The following FBXO32 variants were observed in gnomAD, a reference collection of about 807,000 sequenced individuals.
FBXO32 encodes F-box only protein 32.
FBXO32 carries 15 observed loss-of-function variants against 48.3 expected under a neutral mutation model. The observed-to-expected ratio is 0.31, with a 90% CI of 0.21 to 0.48. FBXO32 has a LOEUF of 0.48. FBXO32 is among the 20% of genes least tolerant of loss of function. FBXO32 has a pLI of 0.99. For synonymous variants in FBXO32, 154 were observed against 165.9 expected (o/e 0.93, Z 0.55); for missense variants, 309 against 432.7 (o/e 0.71, Z 2.54).
intron 6 of FBXO32, among the ~76,000 whole-genome samples, chr8:123,509,075 A>G (rs1464562989): frequency 6.6e-6 from 1 of 152,124 alleles, no homozygotes; most frequent in African/African-American, 2.4e-5. Flanking sequence ...CTGTCACTGT[A>G]TTTGATTTTT....
chr8:123,506,441 T>C lies in FBXO32; in HGVS notation c.785A>G (p.Asp262Gly), dbSNP rs750548964. 1.9e-6 allele frequency: 3 copies of C among 1,614,126 alleles called. No homozygotes were observed. The highest frequency in any genetic ancestry group is 2.5e-6 in the Non-Finnish European group (3 of 1,180,022). Residue 262 changes from aspartate to glycine, a missense_variant, in exon 7 of 9, where the codon GAC becomes GGC. By Grantham distance (94) the Asp-to-Gly change is moderately conservative. Coordinates refer to ENST00000517956, the MANE Select transcript of FBXO32 (RefSeq NM_058229.4). The surrounding 1 kb of genome is among the most constrained non-coding windows in gnomAD (Gnocchi z 4.0). ...AAPDLHVLSE[D>G]RLLWKKLCQY... ...GCAGAGTTTCTTCCACAGCAGCCGG[T>C]CTTCGCTGAGCACGTGCAGGTCGGG...
chr8:123,508,500 A>G (rs1816673967), intron 6 of FBXO32, among the ~76,000 whole-genome samples: 1 of 152,146 alleles, frequency 6.6e-6, no homozygotes, highest in Admixed American at 6.5e-5. Flanking sequence ...GACTCTGAAG[A>G]TCCCTTCCAG....
chr8:123,526,258 C>G (rs933488335), intron 4 of FBXO32, among the ~76,000 whole-genome samples: 1 of 151,940 alleles, frequency 6.6e-6, no homozygotes, highest in South Asian at 2.1e-4. Flanking sequence ...AAACAACAGC[C>G]TCTGTCACCC....
At chr8:123,523,459 G>A (rs537277937) in intron 4 of FBXO32, among the ~76,000 whole-genome samples, 2,556 of 152,002 alleles carry the variant, frequency 0.017, 60 homozygotes, top group African/African-American at 0.057. Context: ...GCATGGTGGC[G>A]GGCACCTGTA....
chr8:123,518,226 T>G (rs1816878685), intron 4 of FBXO32, among the ~76,000 whole-genome samples: 1 of 152,238 alleles, frequency 6.6e-6, no homozygotes, highest in Non-Finnish European at 1.5e-5. Context: ...TAGTACCTAC[T>G]TCAAAGTTGC....
chr8:123,522,243 T>C lies in FBXO32; in HGVS notation c.373-7910A>G, dbSNP rs185920678. On this transcript the variant is annotated intron_variant, in intron 4 of 8. Transcript: ENST00000517956. ...TTTTTTTTTTGAGATGGAGTCTCACTCTGCTGCCCAGGCTGGAGTGCAGTA... is the reference window on the plus strand; with the variant it reads ...TTTTTTTTTTGAGATGGAGTCTCACCCTGCTGCCCAGGCTGGAGTGCAGTA... Among the ~76,000 whole-genome samples, 275 of 140,140 alleles carry C rather than the reference T, an allele frequency of 2.0e-3. 1 individual carries two copies. The highest frequency in any genetic ancestry group is 2.0e-3 in the Non-Finnish European group (134 of 65,702). The allele number at this position is 140,140 out of a possible 152,430, so 91.9% of individuals were successfully genotyped here.
In FBXO32 at chr8:123,499,514, TAGTTAAAAAAATTCACACATAAAATTAC is replaced by T. The variant is rs1816435823; in HGVS notation, c.*3831_*3858del. The T allele has an allele frequency of 6.6e-6, 1 of 151,540 alleles. No individual in the cohort carries two copies. Among genetic ancestry groups the T allele is most frequent in the African/African-American group, 2.4e-5 (1 of 41,294 alleles). The allele number at this position is 151,540 out of a possible 1,614,324, so 9.4% of individuals were successfully genotyped here. On this transcript the variant is annotated 3_prime_UTR_variant, in exon 9 of 9. Transcript: ENST00000517956. ...CAACATAGAAAATGATGATAGAGTTTAGTTAAAAAAATTCACACATAAAATTACAGTTAAAAAAATTCACACATAAAAT... is the reference window on the plus strand; with the variant it reads ...CAACATAGAAAATGATGATAGAGTTTAGTTAAAAAAATTCACACATAAAAT...
rs774858364 is a variant in FBXO32 at position 123,513,329 on chromosome 8, A to G, written c.520T>C (p.Tyr174His). 6.2e-7 allele frequency: 1 copy of G among 1,614,234 alleles called. No homozygotes were observed. Among genetic ancestry groups the G allele is most frequent in the South Asian group, 1.1e-5 (1 of 91,088 alleles). The change falls in exon 6 of 9, where the codon TAC becomes CAC. Residue 174 changes from tyrosine (Y) to histidine (H), a missense_variant. Coordinates refer to ENST00000517956, the MANE Select transcript of FBXO32 (RefSeq NM_058229.4). The surrounding 1 kb of genome is among the most constrained non-coding windows in gnomAD (Gnocchi z 4.3). ...TGGACCAGTGTACATAAGGATGTGTAGAGGGTCTGGAGTAGTTCCCTTATT... is the reference window on the plus strand; with the variant it reads ...TGGACCAGTGTACATAAGGATGTGTGGAGGGTCTGGAGTAGTTCCCTTATT... ...RLIRELLQTL[Y>H]TSLCTLVQRV...
At position 123,502,279 on chromosome 8, in the gene FBXO32, A is replaced by G. The variant is rs1304263077; in HGVS notation, c.*1094T>C. 1 of 152,248 alleles carries G rather than the reference A, an allele frequency of 6.6e-6. No individual in the cohort carries two copies. The highest frequency in any genetic ancestry group is 1.5e-5 in the Non-Finnish European group (1 of 68,072). The allele number at this position is 152,248 out of a possible 1,614,324, so 9.4% of individuals were successfully genotyped here. On this transcript the variant is annotated 3_prime_UTR_variant, in exon 9 of 9. Transcript: ENST00000517956. ...GGCTGATTGTAAAACCTGTCTTTCG[A>G]GCCTCAGCACTTGGGCCCCACTCTG...
intron 4 of FBXO32, among the ~76,000 whole-genome samples, chr8:123,524,097 G>A (rs1417875509): frequency 6.6e-6 from 1 of 152,164 alleles, no homozygotes; most frequent in African/African-American, 2.4e-5. Flanking sequence ...AGGAGTCTAT[G>A]CTCTAGTCTT....
intron 7 of FBXO32, among the ~76,000 whole-genome samples, chr8:123,505,657 A>G (rs1190298715): frequency 6.6e-6 from 1 of 152,046 alleles, no homozygotes; most frequent in Admixed American, 6.6e-5. Context: ...AATCATTTGA[A>G]CCAGGGAGGC....
intron 4 of FBXO32, among the ~76,000 whole-genome samples, chr8:123,530,809 G>T (rs1036604544): frequency 6.6e-6 from 1 of 150,964 alleles, no homozygotes; most frequent in African/African-American, 2.4e-5. Flanking sequence ...AGTAGAGACG[G>T]GGTTTCACTA....
At position 123,512,790 on chromosome 8, in the gene FBXO32, C is replaced by T. The variant is rs4380919; in HGVS notation, c.651+408G>A. 4.8e-4 allele frequency among the ~76,000 whole-genome samples: 73 copies of T among 152,112 alleles called. 1 individual carries two copies. Among genetic ancestry groups the T allele is most frequent in the Non-Finnish European group, 9.6e-4 (65 of 68,024 alleles). Reference sequence around the variant, plus strand: ...AACTAGGATTTTAAAAGGCTGGTACCAGTTCTCCAAGCTACTGCCTTCCCA... The same window carrying T: ...AACTAGGATTTTAAAAGGCTGGTACTAGTTCTCCAAGCTACTGCCTTCCCA... On this transcript the variant is annotated intron_variant, in intron 6 of 8. Transcript: ENST00000517956.
intron 4 of FBXO32, among the ~76,000 whole-genome samples, chr8:123,527,663 G>A (rs969550924): frequency 1.6e-4 from 24 of 152,148 alleles, no homozygotes; most frequent in African/African-American, 5.6e-4. Flanking sequence ...AAAGATGGTT[G>A]GATATGCTAA....
chr8:123,526,471 C>A (rs943682451), intron 4 of FBXO32, among the ~76,000 whole-genome samples: 1 of 152,092 alleles, frequency 6.6e-6, no homozygotes, highest in African/African-American at 2.4e-5. Flanking sequence ...AAGTGAGCTG[C>A]CTGCCTCAGC....
In FBXO32 at chr8:123,534,122, C is replaced by CAAA. The variant is rs74355915; in HGVS notation, c.229+577_229+579dup. ...ACAAAAACAAACAAACAAAAAACAC[C>CAAA]AAAAAAAAAAAAAACACCCCTAATA... On this transcript the variant is annotated intron_variant, in intron 2 of 8. Coordinates refer to ENST00000517956, the MANE Select transcript of FBXO32 (RefSeq NM_058229.4). Among the ~76,000 whole-genome samples the CAAA allele has an allele frequency of 3.7e-3, 497 of 132,702 alleles. 4 individuals carry two copies. Among genetic ancestry groups the CAAA allele is most frequent in the African/African-American group, 9.9e-3 (356 of 36,058 alleles). The allele number at this position is 132,702 out of a possible 152,430, so 87.1% of individuals were successfully genotyped here.
rs1282704044 is a variant in FBXO32, at chr8:123,512,466, T to A, written c.651+732A>T. ...TGAGATAAATAAGCAAAGTGCTACA[T>A]GAGCCGCCTGAGTGTGTCTGTCCTT... On this transcript the variant is annotated intron_variant, in intron 6 of 8. Coordinates refer to ENST00000517956, the MANE Select transcript of FBXO32 (RefSeq NM_058229.4). Among the ~76,000 whole-genome samples, 2 of 151,810 alleles carry A rather than the reference T, an allele frequency of 1.3e-5. 1 individual carries two copies. The highest frequency in any genetic ancestry group is 2.9e-5 in the Non-Finnish European group (2 of 68,004).
In FBXO32 at chr8:123,540,694, G is replaced by A. The variant is rs376011616; in HGVS notation, c.116+205C>T. Among the ~76,000 whole-genome samples, 2 of 152,170 alleles carry A rather than the reference G, an allele frequency of 1.3e-5. No individual in the cohort carries two copies. The highest frequency in any genetic ancestry group is 3.9e-4 in the East Asian group (2 of 5,188). On this transcript the variant is annotated intron_variant, in intron 1 of 8. Transcript: ENST00000517956. This position sits in a 1 kb window ranked among gnomAD's most constrained non-coding sequence, Gnocchi z 6.4. ...GTGTCCACTTGGAGACACTGACCTTGAACAATAAGAGAAACCGAATTCCCT... is the reference window on the plus strand; with the variant it reads ...GTGTCCACTTGGAGACACTGACCTTAAACAATAAGAGAAACCGAATTCCCT...
In FBXO32 at chr8:123,503,453, G is replaced by T; in HGVS notation, c.988C>A (p.His330Asn). Residue 330 changes from histidine (H) to asparagine (N), a missense_variant, in exon 9 of 9, where the codon CAT (histidine) becomes AAT (asparagine). Physicochemically the swap from His to Asn is moderately conservative, Grantham distance 68 (BLOSUM62 1). Transcript: ENST00000517956. ...CHILSWKGTDHPCTANNPESC... is the reference protein window; with the variant it reads ...CHILSWKGTDNPCTANNPESC... ...TCTGGGTTATTGGCAGTGCACGGAT[G>T]GTCAGTGCCCTGGAAAGGAACACAT... is the stretch of plus-strand genomic sequence containing the variant. 2 of 1,613,800 alleles carry T rather than the reference G, an allele frequency of 1.2e-6. No homozygotes were observed. Among genetic ancestry groups the T allele is most frequent in the Non-Finnish European group, 1.7e-6 (2 of 1,179,798 alleles).
Sources: gnomAD v4.1 joint callset for allele counts (sites outside exome capture counted in the v4.1 genomes callset) on GRCh38, gnomAD v4.1.1 for gene constraint, Gnocchi (gnomAD v3.1) non-coding constraint, MANE v1.5 for transcripts, NCBI Gene and HGNC (gene_info 2026-07-23, HGNC 2026-07-21) for gene names.